The following KCNT2 variants were observed in gnomAD, a reference collection of about 807,000 sequenced individuals.
The protein encoded by KCNT2 is potassium channel subfamily T member 2.
A neutral mutation model predicts 153.8 loss-of-function variants in KCNT2; 67 were observed. The ratio of observed to expected loss-of-function variants is 0.44; its 90% CI spans 0.36 to 0.53. The LOEUF (loss-of-function observed/expected upper bound fraction) is 0.53. KCNT2 is among the 20% of genes least tolerant of loss of function. KCNT2 has a pLI of 0.00. For synonymous variants in KCNT2, 500 were observed against 458.8 expected, an observed-to-expected ratio of 1.09 and a Z score of -1.15; for missense variants, 975 against 1,354.8, an observed-to-expected ratio of 0.72 and a Z score of 4.40.
Position 196,548,969 on chromosome 1 carries a change from C to T in KCNT2, c.96-56628G>A, listed in dbSNP as rs546634079. Among the ~76,000 whole-genome samples, 184 of 147,062 alleles carry T rather than the reference C, an allele frequency of 1.3e-3. 1 individual carries two copies. The highest frequency in any genetic ancestry group is 4.4e-3 in the African/African-American group (173 of 39,498). Reference sequence around the variant, plus strand: ...GAATTGAACAATGAGAACACATGGACACAGGAAGGGGAACATCACACTCTG... The same window carrying T: ...GAATTGAACAATGAGAACACATGGATACAGGAAGGGGAACATCACACTCTG... On this transcript the variant is annotated intron_variant, in intron 1 of 27. Transcript: ENST00000294725.
chr1:196,471,139 C>A (rs1347664368), intron 5 of KCNT2, among the ~76,000 whole-genome samples: 1 of 151,886 alleles, frequency 6.6e-6, no homozygotes, highest in East Asian at 1.9e-4. Flanking sequence ...GATCTCCTAA[C>A]CTCGTGATCC....
At chr1:196,459,807 C>T (rs1676990714) in intron 8 of KCNT2, among the ~76,000 whole-genome samples, 2 of 151,810 alleles carry the variant, frequency 1.3e-5, no homozygotes, top group Non-Finnish European at 2.9e-5. Flanking sequence ...TAAATGACCA[C>T]ATTTGAAGTC....
At chr1:196,237,191 C>T (rs754819674) in intron 26 of KCNT2, among the ~76,000 whole-genome samples, 5 of 151,648 alleles carry the variant, frequency 3.3e-5, no homozygotes, top group African/African-American at 4.8e-5. Context: ...ATTTGCTGCA[C>T]TGGAATATAA....
chr1:196,459,271 A>T (rs1441643768), intron 8 of KCNT2, among the ~76,000 whole-genome samples: 2 of 151,840 alleles, frequency 1.3e-5, no homozygotes, highest in African/African-American at 4.8e-5. Flanking sequence ...AATTTATAAA[A>T]GGTGACCATG....
intron 1 of KCNT2, among the ~76,000 whole-genome samples, chr1:196,512,435 C>T (rs1014955435): frequency 1.1e-4 from 16 of 152,110 alleles, no homozygotes; most frequent in African/African-American, 2.9e-4. Flanking sequence ...CCCAGCATAT[C>T]GAAACTTAAA....
intron 8 of KCNT2, among the ~76,000 whole-genome samples, chr1:196,451,824 C>T (rs1676235641): frequency 6.6e-6 from 1 of 151,582 alleles, no homozygotes; most frequent in Admixed American, 6.6e-5. Flanking sequence ...CTCATTTTTC[C>T]CCTCTTTTGG....
Position 196,326,776 on chromosome 1 carries a change from G to C in KCNT2, c.2217C>G (p.Leu739=). The change falls in exon 19 of 28, where the codon CTC becomes CTG. Residue 739 remains leucine (L), a synonymous_variant. Transcript: ENST00000294725. ...GNGLYNFIVP[L]RAYYRPKKEL... is the part of the protein sequence containing the mutation. The stretch of plus-strand genomic sequence containing the variant: ...CTTTCTTTGGTCTATAATATGCCCT[G>C]AGAGGAACAATAAAGTTATATAATC... 6.3e-7 allele frequency: 1 copy of C among 1,580,592 alleles called. No individual in the cohort carries two copies. The highest frequency in any genetic ancestry group is 8.6e-7 in the Non-Finnish European group (1 of 1,165,748).
At chr1:196,290,751 C>A (rs913482075) in intron 22 of KCNT2, among the ~76,000 whole-genome samples, 2 of 151,940 alleles carry the variant, frequency 1.3e-5, no homozygotes, top group African/African-American at 2.4e-5. Flanking sequence ...AATATATTCA[C>A]CCTAACAGTC....
intron 27 of KCNT2, among the ~76,000 whole-genome samples, chr1:196,231,222 T>C (rs570412349): frequency 6.6e-6 from 1 of 152,038 alleles, no homozygotes; most frequent in African/African-American, 2.4e-5. Context: ...GACATAATGC[T>C]TTGCTTTTGC....
intron 21 of KCNT2, among the ~76,000 whole-genome samples, chr1:196,312,708 AT>A (rs1662309417): frequency 6.6e-6 from 1 of 151,812 alleles, no homozygotes; most frequent in Non-Finnish European, 1.5e-5. Context: ...CGAATTAGAA[AT>A]TGGCTCTTGA....
intron 1 of KCNT2, among the ~76,000 whole-genome samples, chr1:196,545,151 G>A (rs1656911526): frequency 6.6e-6 from 1 of 151,746 alleles, no homozygotes; most frequent in African/African-American, 2.4e-5. Context: ...AGTTACTAGT[G>A]GAACCTCTCA....
intron 21 of KCNT2, among the ~76,000 whole-genome samples, chr1:196,307,463 C>T (rs913962720): frequency 6.6e-6 from 1 of 152,088 alleles, no homozygotes; most frequent in Non-Finnish European, 1.5e-5. Flanking sequence ...ATTACACTAC[C>T]TGTTGGCTTC....
At chr1:196,260,318 G>T (rs781037317) in intron 25 of KCNT2, among the ~76,000 whole-genome samples, 1 of 151,788 alleles carries the variant, frequency 6.6e-6, no homozygotes, top group African/African-American at 2.4e-5. Context: ...GGAGCATAGG[G>T]ATTCACTTCT....
intron 8 of KCNT2, among the ~76,000 whole-genome samples, chr1:196,435,135 GTATGTATATA>G (rs1236962483): frequency 1.0e-4 from 8 of 76,872 alleles, no homozygotes; most frequent in African/African-American, 3.9e-4. Flanking sequence ...GTGTGTGTGT[GTATGTATATA>G]TATATATATA....
intron 1 of KCNT2, among the ~76,000 whole-genome samples, chr1:196,521,433 A>G (rs537658670): frequency 6.6e-6 from 1 of 152,184 alleles, no homozygotes; most frequent in Non-Finnish European, 1.5e-5. Context: ...TTGACCCAAC[A>G]ATCCCATTAC....
intron 2 of KCNT2, among the ~76,000 whole-genome samples, chr1:196,491,315 G>A (rs1679844144): frequency 6.6e-6 from 1 of 151,992 alleles, no homozygotes; most frequent in African/African-American, 2.4e-5. Flanking sequence ...CTTGAGGCCA[G>A]CCTGTCATTA....
At chr1:196,298,742 T>G (rs1261608181) in intron 22 of KCNT2, among the ~76,000 whole-genome samples, 1 of 149,748 alleles carries the variant, frequency 6.7e-6, no homozygotes, top group Admixed American at 6.7e-5. Context: ...TTCCTTTTTC[T>G]GCTGCCCACA....
At chr1:196,327,667 T>TC (rs887534080) in intron 18 of KCNT2, among the ~76,000 whole-genome samples, 1 of 143,832 alleles carries the variant, frequency 7.0e-6, no homozygotes, top group Non-Finnish European at 1.5e-5. Context: ...AATATTCTGA[T>TC]CTTTTTTTTT....
At chr1:196,539,454 A>G (rs1056666267) in intron 1 of KCNT2, among the ~76,000 whole-genome samples, 19 of 152,194 alleles carry the variant, frequency 1.2e-4, no homozygotes, top group Admixed American at 9.2e-4. Flanking sequence ...TAATATTAGT[A>G]TATTACACTT....
Sources: gnomAD v4.1 joint callset for allele counts (sites outside exome capture counted in the v4.1 genomes callset) on GRCh38, gnomAD v4.1.1 for gene constraint, MANE v1.5 for transcripts, NCBI Gene and HGNC (gene_info 2026-07-23, HGNC 2026-07-21) for gene names.